Variants in TTLL6 observed in about 807,000 individuals in gnomAD.
TTLL6 encodes the protein tubulin tyrosine ligase like 6.
Under a neutral mutation model 96.4 loss-of-function variants are expected in TTLL6, and 75 were observed. The ratio of observed to expected loss-of-function variants is 0.78; its 90% CI spans 0.65 to 0.94. The LOEUF (loss-of-function observed/expected upper bound fraction) is 0.94. TTLL6 is among the 40% of genes least tolerant of loss of function. TTLL6 has a pLI of 0.00. For synonymous variants in TTLL6, 411 were observed against 419.4 expected, an observed-to-expected ratio of 0.98 and a Z score of 0.24; for missense variants, 1,030 against 1,093.0, an observed-to-expected ratio of 0.94 and a Z score of 0.81.
chr17:48,781,787 G>GA (rs2038991440), intron 13 of TTLL6, among the ~76,000 whole-genome samples: 1 of 152,128 alleles, frequency 6.6e-6, no homozygotes, highest in African/African-American at 2.4e-5. Flanking sequence ...GGGCCTTTGG[G>GA]AGATGACTAG....
intron 13 of TTLL6, among the ~76,000 whole-genome samples, chr17:48,784,647 T>C (rs1159426822): frequency 6.6e-6 from 1 of 152,130 alleles, no homozygotes; most frequent in East Asian, 1.9e-4. Flanking sequence ...TAAACGGTGT[T>C]GCCTCCACCA....
At chr17:48,771,639 T>C (rs2143201042) in intron 13 of TTLL6, among the ~76,000 whole-genome samples, 2 of 149,986 alleles carry the variant, frequency 1.3e-5, no homozygotes, top group East Asian at 1.9e-4. Context: ...CTAAAATATA[T>C]ATATAAAATG....
chr17:48,787,939 C>T lies in TTLL6; in HGVS notation c.1461G>A (p.Lys487=). The part of the protein sequence containing the change: ...VQLKKTETYE[K]ENCGGFRLIY... ...TCAGTCGGAACCCTCCACAGTTTTC[C>T]TTCTCATACGTTTCAGTTTTCTTTA... The change falls in exon 11 of 16, where the codon AAG becomes AAA. Residue 487 remains lysine, a synonymous_variant. Transcript: ENST00000393382. The T allele has an allele frequency of 1.2e-6, 2 of 1,614,116 alleles. No homozygotes were observed. The highest frequency in any genetic ancestry group is 1.7e-6 in the Non-Finnish European group (2 of 1,180,016).
chr17:48,778,692 G>A (rs2038928406), intron 13 of TTLL6, among the ~76,000 whole-genome samples: 3 of 151,904 alleles, frequency 2.0e-5, no homozygotes, highest in African/African-American at 7.3e-5. Flanking sequence ...AGCACTTTGG[G>A]AGGCTGAGGC....
chr17:48,801,615 A>T lies in TTLL6; in HGVS notation c.390T>A (p.Phe130Leu). ...SVRRAAQQYG[F>L]REGGEDDDWT... ...AGTCATCGTCTTCCCCTCCCTCTCT[A>T]AAGCCGTACTGTTGGGCAGCCCTGC... is the stretch of plus-strand genomic sequence containing the variant. The change falls in exon 4 of 16, where the codon TTT (phenylalanine) becomes TTA (leucine). Residue 130 changes from phenylalanine (F) to leucine (L), a missense_variant. Phe to Leu is a conservative substitution (Grantham distance 22). Coordinates refer to ENST00000393382, the MANE Select transcript of TTLL6 (RefSeq NM_001130918.3). The T allele has an allele frequency of 6.4e-7, 1 of 1,551,730 alleles. No individual in the cohort carries two copies.
chr17:48,812,064 A>ACCTCCCCCC (rs2039602289), intron 1 of TTLL6: 43 of 76,134 alleles, frequency 5.6e-4, no homozygotes, highest in African/African-American at 2.0e-3. Context: ...TGATGCTGGG[A>ACCTCCCCCC]CCCCCCCCCC....
At chr17:48,797,013 T>A (rs75169576) in intron 7 of TTLL6, 48 bp downstream of exon 7, 23 of 1,463,256 alleles carry the variant, frequency 1.6e-5, no homozygotes, top group Middle Eastern at 1.8e-4. Flanking sequence ...TTTTTTTTTT[T>A]AATCACGCTA....
At chr17:48,812,064 A>ATCC (rs774831083) in intron 1 of TTLL6, 5 of 76,192 alleles carry the variant, frequency 6.6e-5, no homozygotes, top group African/African-American at 2.7e-4. Flanking sequence ...TGATGCTGGG[A>ATCC]CCCCCCCCCC....
intron 1 of TTLL6, chr17:48,812,064 A>G (rs896143341): frequency 2.6e-5 from 2 of 76,190 alleles, no homozygotes; most frequent in South Asian, 7.0e-4. Context: ...TGATGCTGGG[A>G]CCCCCCCCCC....
chr17:48,788,662 C>T (rs1214585517), intron 10 of TTLL6, among the ~76,000 whole-genome samples: 2 of 152,194 alleles, frequency 1.3e-5, no homozygotes, highest in Admixed American at 6.5e-5. Context: ...AGGCGGCAGA[C>T]TCACTGGGCT....
chr17:48,769,981 G>A lies in TTLL6; in HGVS notation c.2157C>T (p.Asp719=). ...TCTTGCATTTAAAGGATACCACCCT[G>A]TCCGTCTCTGGGCCACTGTACTCAG... ...ASSEYSGPET[D]RVVSFKCKKQ... Residue 719 remains aspartate, a synonymous_variant, in exon 14 of 16, where the codon GAC becomes GAT. Coordinates refer to ENST00000393382, the MANE Select transcript of TTLL6 (RefSeq NM_001130918.3). The A allele has an allele frequency of 1.2e-6, 2 of 1,614,126 alleles. No homozygotes were observed. The highest frequency in any genetic ancestry group is 1.7e-6 in the Non-Finnish European group (2 of 1,180,022).
At chr17:48,784,676 A>G (rs2039053292) in intron 13 of TTLL6, among the ~76,000 whole-genome samples, 1 of 152,174 alleles carries the variant, frequency 6.6e-6, no homozygotes, top group Admixed American at 6.5e-5. Context: ...GCAATTTGCC[A>G]CAGCAGCTCT....
Position 48,785,162 on chromosome 17 carries a change from AGTCAGGTGT to A in TTLL6, c.1792_1800del (p.Thr598_Asp600del). 1 of 1,614,164 alleles carries A rather than the reference AGTCAGGTGT, an allele frequency of 6.2e-7. No individual in the cohort carries two copies. Among genetic ancestry groups the A allele is most frequent in the Non-Finnish European group, 8.5e-7 (1 of 1,180,038 alleles). The stretch of plus-strand genomic sequence containing the variant: ...CTTTCACCTCTGACACTCAAGAGCA[AGTCAGGTGT>A]GTAGGATACTAATGTCAATGGCTGG... On this transcript the variant is annotated inframe_deletion, in exon 13 of 16. Coordinates refer to ENST00000393382, the MANE Select transcript of TTLL6 (RefSeq NM_001130918.3).
chr17:48,804,439 C>G, intron 2 of TTLL6: 1 of 508,352 alleles, frequency 2.0e-6, no homozygotes, highest in Non-Finnish European at 3.8e-6. Context: ...TGCTATCATA[C>G]TGAAGGCGTA....
chr17:48,775,950 T>C lies in TTLL6; in HGVS notation c.2041-5853A>G, dbSNP rs1016367563. On this transcript the variant is annotated intron_variant, in intron 13 of 15. Coordinates refer to ENST00000393382, the MANE Select transcript of TTLL6 (RefSeq NM_001130918.3). Reference sequence around the variant, plus strand: ...ACCTGACAGCTAACATCATACTTAATAGTAAAAGATTGAATGTTTCCCCGC... The same window carrying C: ...ACCTGACAGCTAACATCATACTTAACAGTAAAAGATTGAATGTTTCCCCGC... 2.0e-5 allele frequency among the ~76,000 whole-genome samples: 3 copies of C among 152,134 alleles called. No individual in the cohort carries two copies. The East Asian group carries it at 5.8e-4, about 29-fold the overall frequency.
intron 7 of TTLL6, 35 bp from the exon 8 acceptor site, chr17:48,796,181 C>T (rs1373445581): frequency 9.8e-6 from 15 of 1,523,140 alleles, no homozygotes; most frequent in African/African-American, 1.4e-5. Flanking sequence ...CGGGTCAGCT[C>T]GGAAGGGCAG....
At position 48,785,034 on chromosome 17, in the gene TTLL6, G is replaced by T. The variant is rs181153832; in HGVS notation, c.1929C>A (p.Pro643=). 6.2e-7 allele frequency: 1 copy of T among 1,614,130 alleles called. No individual in the cohort carries two copies. The highest frequency in any genetic ancestry group is 1.3e-5 in the African/African-American group (1 of 75,052). ...LTSAKPFSSL[P]DLRNINLSSS... Reference sequence around the variant, plus strand: ...TGCTGAGATTGATATTCCTCAGATCGGGTAGAGAACTGAAGGGCTTCGCAG... The same window carrying T: ...TGCTGAGATTGATATTCCTCAGATCTGGTAGAGAACTGAAGGGCTTCGCAG... Residue 643 remains proline (P), a synonymous_variant, in exon 13 of 16, where the codon CCC becomes CCA. Transcript: ENST00000393382.
At chr17:48,782,356 C>T (rs3986831) in intron 13 of TTLL6, among the ~76,000 whole-genome samples, 17,321 of 152,070 alleles carry the variant, frequency 0.11, 2,019 homozygotes, top group East Asian at 0.67. Context: ...GGTTTCACCA[C>T]GTTGGCCAGG....
rs146514154 is a variant in TTLL6, at chr17:48,769,984, C to T, written c.2154G>A (p.Thr718=). The T allele has an allele frequency of 1.7e-5, 27 of 1,614,088 alleles. No homozygotes were observed. Among genetic ancestry groups the T allele is most frequent in the East Asian group, 2.2e-5 (1 of 44,880 alleles). ...TGCATTTAAAGGATACCACCCTGTC[C>T]GTCTCTGGGCCACTGTACTCAGAGC... The part of the protein sequence containing the change: ...TASSEYSGPE[T]DRVVSFKCKK... Residue 718 remains threonine (T), a synonymous_variant, in exon 14 of 16, where the codon ACG becomes ACA. Transcript: ENST00000393382.
Sources: gnomAD v4.1 joint callset for allele counts (sites outside exome capture counted in the v4.1 genomes callset) on GRCh38, gnomAD v4.1.1 for gene constraint, MANE v1.5 for transcripts, NCBI Gene and HGNC (gene_info 2026-07-23, HGNC 2026-07-21) for gene names.